The following LRRTM4 variants were observed in gnomAD, a reference collection of about 807,000 sequenced individuals.
LRRTM4 encodes the protein leucine rich repeat transmembrane neuronal 4, also known as leucine-rich repeat transmembrane neuronal protein 4.
In LRRTM4, 25 loss-of-function variants were observed where a neutral mutation model predicts 47.6. That is an observed-to-expected ratio of 0.53 (90% confidence interval 0.38 to 0.73). The LOEUF (loss-of-function observed/expected upper bound fraction) is 0.73. Among genes scored for constraint, LRRTM4 ranks in the 30% least tolerant of loss-of-function variants. The probability of loss-of-function intolerance (pLI) is 0.00; values close to 1 mark genes in which losing one functional copy is unlikely to be tolerated. For missense variants in LRRTM4, 638 were observed against 713.4 expected (o/e 0.89, Z 1.20); for synonymous variants, 311 against 269.5 (o/e 1.15, Z -1.51).
At chr2:76,848,705 A>C (rs1671906131) in intron 3 of LRRTM4, among the ~76,000 whole-genome samples, 1 of 152,116 alleles carries the variant, frequency 6.6e-6, no homozygotes, top group African/African-American at 2.4e-5. Flanking sequence ...TTAAACTTGT[A>C]ATGTGTGAAT....
chr2:76,946,200 T>A (rs1167837615), intron 3 of LRRTM4, among the ~76,000 whole-genome samples: 1 of 151,956 alleles, frequency 6.6e-6, no homozygotes, highest in African/African-American at 2.4e-5. Flanking sequence ...TCCTAATCAT[T>A]CTAAATGGAC....
chr2:77,213,891 A>G lies in LRRTM4; in HGVS notation c.1551+304427T>C, dbSNP rs184262069. On this transcript the variant is annotated intron_variant, in intron 3 of 3. Transcript: ENST00000409884. ...GTAGTAGAGCAGATAAGGAAGAGAT[A>G]TGGAATAAATGTGGAACCAAAATGC... 1.6e-3 allele frequency among the ~76,000 whole-genome samples: 240 copies of G among 152,060 alleles called. 1 individual carries two copies. Among genetic ancestry groups the G allele is most frequent in the African/African-American group, 5.4e-3 (224 of 41,502 alleles).
chr2:76,907,996 G>C (rs1244736698), intron 3 of LRRTM4, among the ~76,000 whole-genome samples: 1 of 151,790 alleles, frequency 6.6e-6, no homozygotes, highest in African/African-American at 2.4e-5. Flanking sequence ...CATTTTATGA[G>C]GCCAGCATCA....
rs1349732818 is a variant in LRRTM4 at position 77,521,542 on chromosome 2, C to T, written c.4+126G>A. ...TATAATAGCAACTATAGTGAATCAA[C>T]TGGCAAACTCAAAGGCTGCTGCTCT... On this transcript the variant is annotated intron_variant, in intron 2 of 3. Coordinates refer to ENST00000409884, the MANE Select transcript of LRRTM4 (RefSeq NM_001134745.3). The T allele has an allele frequency of 1.0e-5, 11 of 1,056,112 alleles. No individual in the cohort carries two copies. The Admixed American group carries it at 1.7e-4, about 17-fold the overall frequency. The allele number at this position is 1,056,112 out of a possible 1,614,324, so 65.4% of individuals were successfully genotyped here. A position where few individuals can be genotyped will look rare whatever the true frequency, so the allele number is the denominator to read the frequency against.
chr2:76,862,913 A>G lies in LRRTM4; in HGVS notation c.1552-113997T>C, dbSNP rs1457982594. Among the ~76,000 whole-genome samples the G allele has an allele frequency of 2.0e-5, 3 of 152,206 alleles. No homozygotes were observed. In the East Asian group the frequency reaches 5.8e-4, roughly 29 times the overall value. ...AAATCTCTTGGTTAAGGGTAGCAAC[A>G]TATGTATATTGTCTTGTAACCCAAA... On this transcript the variant is annotated intron_variant, in intron 3 of 3. Transcript: ENST00000409884.
chr2:77,221,540 G>C (rs896759005), intron 3 of LRRTM4, among the ~76,000 whole-genome samples: 4 of 152,028 alleles, frequency 2.6e-5, no homozygotes, highest in African/African-American at 9.7e-5. Context: ...AACAAAAAAA[G>C]GCAGGGGTTG....
intron 3 of LRRTM4, among the ~76,000 whole-genome samples, chr2:76,948,413 C>T (rs957756392): frequency 1.3e-5 from 2 of 151,634 alleles, no homozygotes; most frequent in East Asian, 3.9e-4. Flanking sequence ...ATGTGTTGGG[C>T]CTATTTGCAA....
rs1227207222 is a variant in LRRTM4, at chr2:77,307,513, TACATATAGATATATA to T, written c.1551+210790_1551+210804del. Among the ~76,000 whole-genome samples, 413 of 143,466 alleles carry T rather than the reference TACATATAGATATATA, an allele frequency of 2.9e-3. 1 individual carries two copies. The highest frequency in any genetic ancestry group is 0.01 in the African/African-American group (401 of 39,364). 94.1% of individuals were successfully genotyped at this position (143,466 alleles called of 152,430 possible). A position where few individuals can be genotyped will look rare whatever the true frequency, so the allele number is the denominator to read the frequency against. On this transcript the variant is annotated intron_variant, in intron 3 of 3. Transcript: ENST00000409884. ...CATGTCACTTCTATTACACACACAC[TACATATAGATATATA>T]ATATATAGATATATCTATATATTAT...
intron 3 of LRRTM4, among the ~76,000 whole-genome samples, chr2:76,994,835 C>T (rs1025329306): frequency 5.9e-5 from 9 of 151,874 alleles, no homozygotes; most frequent in Non-Finnish European, 1.0e-4. Flanking sequence ...ATTCACCCTA[C>T]TATCAACAAT....
intron 3 of LRRTM4, among the ~76,000 whole-genome samples, chr2:77,396,279 A>G (rs956660912): frequency 1.2e-4 from 18 of 151,924 alleles, no homozygotes; most frequent in African/African-American, 3.9e-4. Flanking sequence ...ACCTTCAGCA[A>G]GAAAGTAATC....
At chr2:76,798,887 C>T (rs527493943) in intron 3 of LRRTM4, among the ~76,000 whole-genome samples, 1 of 152,096 alleles carries the variant, frequency 6.6e-6, no homozygotes, top group Non-Finnish European at 1.5e-5. Context: ...TGCACTCTCC[C>T]AAGACTAAAC....
chr2:76,762,937 C>T (rs1573062697), intron 3 of LRRTM4, among the ~76,000 whole-genome samples: 2 of 152,166 alleles, frequency 1.3e-5, no homozygotes, highest in Non-Finnish European at 2.9e-5. Context: ...CTTCTATCCC[C>T]TTGATGGGTA....
At chr2:77,399,317 C>T (rs1020326116) in intron 3 of LRRTM4, among the ~76,000 whole-genome samples, 15 of 151,784 alleles carry the variant, frequency 9.9e-5, no homozygotes, top group Non-Finnish European at 2.9e-5. Context: ...TGCATTACCT[C>T]ATACACACAT....
At chr2:76,890,973 G>T (rs1673234208) in intron 3 of LRRTM4, among the ~76,000 whole-genome samples, 1 of 151,822 alleles carries the variant, frequency 6.6e-6, no homozygotes, top group Non-Finnish European at 1.5e-5. Flanking sequence ...AATTAGAGAA[G>T]ATCTGAGACT....
intron 3 of LRRTM4, among the ~76,000 whole-genome samples, chr2:77,086,023 T>G (rs551956852): frequency 1.7e-4 from 26 of 152,318 alleles, no homozygotes; most frequent in Admixed American, 3.9e-4. Flanking sequence ...GTACGTGAGT[T>G]AAATTCAATT....
chr2:77,011,447 C>T (rs1386115445), intron 3 of LRRTM4, among the ~76,000 whole-genome samples: 1 of 151,182 alleles, frequency 6.6e-6, no homozygotes, highest in African/African-American at 2.4e-5. Flanking sequence ...GTAGAGAAAA[C>T]CATGCAAGAT....
intron 3 of LRRTM4, among the ~76,000 whole-genome samples, chr2:77,363,910 A>G (rs553420858): frequency 1.3e-5 from 2 of 152,238 alleles, no homozygotes; most frequent in Admixed American, 1.3e-4. Context: ...AATTGAACTG[A>G]AGTACTTTTT....
At chr2:77,197,951 C>G (rs1673874361) in intron 3 of LRRTM4, among the ~76,000 whole-genome samples, 1 of 152,088 alleles carries the variant, frequency 6.6e-6, no homozygotes, top group African/African-American at 2.4e-5. Context: ...TTTTAGTTTT[C>G]TTTTTCCTGC....
chr2:76,999,555 A>C (rs1288854819), intron 3 of LRRTM4, among the ~76,000 whole-genome samples: 1 of 152,152 alleles, frequency 6.6e-6, no homozygotes. Flanking sequence ...AGGCGGGCCA[A>C]AACAGAGATA....
Sources: gnomAD v4.1 joint callset for allele counts (sites outside exome capture counted in the v4.1 genomes callset) on GRCh38, gnomAD v4.1.1 for gene constraint, MANE v1.5 for transcripts, NCBI Gene and HGNC (gene_info 2026-07-23, HGNC 2026-07-21) for gene names.